Variants in DLG2 observed in about 807,000 individuals in gnomAD.
DLG2 encodes disks large homolog 2.
DLG2 carries 45 observed loss-of-function variants against 132.5 expected under a neutral mutation model. The observed-to-expected ratio is 0.34, with a 90% confidence interval of 0.27 to 0.44. DLG2 has a LOEUF of 0.44. Among genes scored for constraint, DLG2 ranks in the 20% least tolerant of loss-of-function variants. The pLI is 1.00. For missense variants in DLG2, 1,045 were observed against 1,196.9 expected, an observed-to-expected ratio of 0.87 and a Z score of 1.87; for synonymous variants, 424 against 419.6, an observed-to-expected ratio of 1.01 and a Z score of -0.13.
intron 4 of DLG2, among the ~76,000 whole-genome samples, chr11:85,275,107 G>T (rs1239729027): frequency 6.6e-6 from 1 of 152,012 alleles, no homozygotes; most frequent in Non-Finnish European, 1.5e-5. Flanking sequence ...TATGCTTTTT[G>T]TCAATGATTT....
At chr11:85,033,407 A>C (rs986014553) in intron 6 of DLG2, among the ~76,000 whole-genome samples, 9 of 149,624 alleles carry the variant, frequency 6.0e-5, no homozygotes, top group Non-Finnish European at 1.2e-4. Context: ...AAAAAAAAAA[A>C]ATTCATACAA....
At chr11:83,937,567 T>G (rs2081777090) in intron 14 of DLG2, among the ~76,000 whole-genome samples, 1 of 134,940 alleles carries the variant, frequency 7.4e-6, no homozygotes, top group South Asian at 2.3e-4. Flanking sequence ...AAACAAGCAA[T>G]AAGCTGGGGA....
intron 5 of DLG2, among the ~76,000 whole-genome samples, chr11:85,150,752 A>C (rs1594859827): frequency 1.1e-5 from 1 of 90,076 alleles, no homozygotes. Flanking sequence ...GTGTGTGTGT[A>C]ACATTTTCTT....
intron 6 of DLG2, among the ~76,000 whole-genome samples, chr11:84,540,061 A>C (rs2099364431): frequency 6.6e-6 from 1 of 152,208 alleles, no homozygotes; most frequent in South Asian, 2.1e-4. Context: ...TAAAGACTTA[A>C]ATGTTAGACC....
intron 7 of DLG2, among the ~76,000 whole-genome samples, chr11:84,509,124 G>A (rs1006977770): frequency 3.9e-5 from 6 of 152,266 alleles, no homozygotes; most frequent in South Asian, 2.1e-4. Context: ...TAAATAAACC[G>A]TAATAACTCA....
rs1351118874 is a variant in DLG2 at position 84,714,595 on chromosome 11, T to TTCTCTTTCTCTTTCTTTC, written c.358-179865_358-179864insGAAAGAAAGAGAAAGAGA. ...TTTCTCTTTCTCTTTCTCTTTCTCT[T>TTCTCTTTCTCTTTCTTTC]TCTTTCTCTTTCTCTTTCTCTTTCT... On this transcript the variant is annotated intron_variant, in intron 6 of 27. Transcript: ENST00000376104. Among the ~76,000 whole-genome samples, 155 of 103,868 alleles carry TTCTCTTTCTCTTTCTTTC rather than the reference T, an allele frequency of 1.5e-3. 1 individual carries two copies. Among genetic ancestry groups the TTCTCTTTCTCTTTCTTTC allele is most frequent in the African/African-American group, 4.4e-3 (108 of 24,658 alleles). 68.1% of individuals were successfully genotyped at this position (103,868 alleles called of 152,430 possible).
intron 21 of DLG2, among the ~76,000 whole-genome samples, chr11:83,503,369 T>TTATATATA (rs34969401): frequency 7.7e-5 from 7 of 90,694 alleles, no homozygotes; most frequent in South Asian, 4.3e-4. Flanking sequence ...ACACACCCAT[T>TTATATATA]TATATATATA....
chr11:85,515,983 C>A (rs2094161509), intron 3 of DLG2, among the ~76,000 whole-genome samples: 1 of 151,984 alleles, frequency 6.6e-6, no homozygotes, highest in Non-Finnish European at 1.5e-5. Context: ...CTAAAAAATT[C>A]TGTAATTCAC....
chr11:85,033,601 G>A (rs2061208839), intron 6 of DLG2, among the ~76,000 whole-genome samples: 1 of 152,110 alleles, frequency 6.6e-6, no homozygotes, highest in Admixed American at 6.5e-5. Context: ...ACCCTTTGAG[G>A]GATTCACAGC....
At chr11:85,041,172 G>A (rs938491651) in intron 6 of DLG2, among the ~76,000 whole-genome samples, 3 of 151,778 alleles carry the variant, frequency 2.0e-5, no homozygotes, top group Non-Finnish European at 4.4e-5. Context: ...TCTTTACGAA[G>A]AACTTGGAGG....
At chr11:83,925,508 T>G (rs2078806331) in intron 15 of DLG2, among the ~76,000 whole-genome samples, 1 of 152,182 alleles carries the variant, frequency 6.6e-6, no homozygotes, top group African/African-American at 2.4e-5. Flanking sequence ...TTCATTTATA[T>G]GTCTGTGAGA....
At chr11:85,484,667 A>G (rs1158714159) in intron 3 of DLG2, among the ~76,000 whole-genome samples, 1 of 152,112 alleles carries the variant, frequency 6.6e-6, no homozygotes, top group African/African-American at 2.4e-5. Flanking sequence ...ACCTCACGCC[A>G]GTTAGAATGG....
In DLG2 at chr11:84,697,516, C is replaced by T. The variant is rs1359155352; in HGVS notation, c.358-162785G>A. 8.6e-5 allele frequency among the ~76,000 whole-genome samples: 13 copies of T among 151,390 alleles called. No homozygotes were observed. The East Asian group carries it at 9.7e-4, about 11-fold the overall frequency. ...GAAAAACACACAATAAAATTGTCTT[C>T]GTATAGTCTTTCCAATGCAATTATA... On this transcript the variant is annotated intron_variant, in intron 6 of 27. Coordinates refer to ENST00000376104, the MANE Select transcript of DLG2 (RefSeq NM_001142699.3).
chr11:84,838,616 C>T (rs1285665061), intron 6 of DLG2, among the ~76,000 whole-genome samples: 2 of 151,836 alleles, frequency 1.3e-5, no homozygotes, highest in African/African-American at 2.4e-5. Flanking sequence ...GGCACAACTG[C>T]ACAAGGAAAT....
intron 11 of DLG2, among the ~76,000 whole-genome samples, chr11:83,995,158 C>G (rs1182840365): frequency 6.6e-6 from 1 of 152,022 alleles, no homozygotes; most frequent in African/African-American, 2.4e-5. Context: ...AATACTGGAA[C>G]TGGGAAACAA....
At chr11:85,493,661 T>A (rs111311983) in intron 3 of DLG2, among the ~76,000 whole-genome samples, 1,430 of 141,004 alleles carry the variant, frequency 0.01, 23 homozygotes, top group African/African-American at 0.036. Flanking sequence ...CAGAGCAAGA[T>A]CCCATGTCAG....
chr11:85,234,881 C>T (rs1178231759), intron 4 of DLG2, among the ~76,000 whole-genome samples: 1 of 151,808 alleles, frequency 6.6e-6, no homozygotes, highest in Non-Finnish European at 1.5e-5. Context: ...GTCTTTTCAT[C>T]AAGAGGGACA....
chr11:85,572,066 T>C (rs931466635), intron 3 of DLG2, among the ~76,000 whole-genome samples: 2 of 152,180 alleles, frequency 1.3e-5, no homozygotes, highest in African/African-American at 4.8e-5. Flanking sequence ...TTCTTTCTCT[T>C]GACAAAGTGC....
intron 7 of DLG2, among the ~76,000 whole-genome samples, chr11:84,419,427 A>C (rs2154463722): frequency 6.6e-6 from 1 of 152,314 alleles, no homozygotes; most frequent in East Asian, 1.9e-4. Context: ...AATCACACCA[A>C]GTGCTTACAG....
Sources: allele counts gnomAD v4.1 joint callset (sites outside exome capture counted in the v4.1 genomes callset), GRCh38; gene constraint gnomAD v4.1.1; transcripts MANE v1.5; gene names NCBI Gene and HGNC (gene_info 2026-07-23, HGNC 2026-07-21).